The following SH3GLB2 variants were observed in gnomAD, a reference collection of about 807,000 sequenced individuals.
The protein encoded by SH3GLB2 is endophilin-B2.
In SH3GLB2, 24 loss-of-function variants were observed where a neutral mutation model predicts 48.0. That is an observed-to-expected ratio of 0.50 (90% CI 0.36 to 0.70). The LOEUF is 0.70. Ranked by LOEUF, SH3GLB2 falls within the 30% of genes least tolerant of loss-of-function variation. SH3GLB2 has a pLI of 0.00. For missense variants in SH3GLB2, 425 were observed against 516.0 expected, an observed-to-expected ratio of 0.82 and a Z score of 1.71; for synonymous variants, 227 against 207.6, an observed-to-expected ratio of 1.09 and a Z score of -0.80.
intron 6 of SH3GLB2, chr9:129,011,000 C>A: frequency 2.3e-6 from 1 of 427,400 alleles, no homozygotes; most frequent in South Asian, 3.6e-5. Context: ...GTCCCCACCC[C>A]ATCCTGACTG....
chr9:129,009,720 G>C (rs367593175), intron 9 of SH3GLB2, 51 bp downstream of exon 9: 39 of 1,533,492 alleles, frequency 2.5e-5, no homozygotes, highest in Admixed American at 3.8e-5. Flanking sequence ...CCCACGGACA[G>C]GGTATGGGAG....
chr9:129,020,690 AC>A (rs1843734470), intron 3 of SH3GLB2, among the ~76,000 whole-genome samples: 2 of 150,124 alleles, frequency 1.3e-5, no homozygotes, highest in Middle Eastern at 3.3e-3. Context: ...ACATGGTGAA[AC>A]CTCGTCTCTA....
In SH3GLB2 at chr9:129,010,206, C is replaced by G. The variant is rs375358480; in HGVS notation, c.652G>C (p.Glu218Gln). 1 of 1,613,754 alleles carries G rather than the reference C, an allele frequency of 6.2e-7. No homozygotes were observed. Among genetic ancestry groups the G allele is most frequent in the Non-Finnish European group, 8.5e-7 (1 of 1,179,950 alleles). The change falls in exon 8 of 11, where the codon GAG becomes CAG. Residue 218 changes from glutamate to glutamine, a missense_variant. Glu to Gln is a conservative substitution (Grantham distance 29). Transcript: ENST00000372564. ...ALWNDEVDKAEQELRVAQTEF... is the reference protein window; with the variant it reads ...ALWNDEVDKAQQELRVAQTEF... Reference sequence around the variant, plus strand: ...GTCTGGGCCACGCGGAGCTCCTGCTCGGCCTGGGCAGGGCAGGGCAGCCAT... The same window carrying G: ...GTCTGGGCCACGCGGAGCTCCTGCTGGGCCTGGGCAGGGCAGGGCAGCCAT...
chr9:129,017,246 A>G (rs1316186039), intron 3 of SH3GLB2, among the ~76,000 whole-genome samples: 3 of 151,656 alleles, frequency 2.0e-5, no homozygotes, highest in Non-Finnish European at 4.4e-5. Flanking sequence ...CACCATGCCC[A>G]GCCTCAATAG....
chr9:129,010,048 T>G, intron 8 of SH3GLB2, 72 bp downstream of exon 8: 1 of 1,512,524 alleles, frequency 6.6e-7, no homozygotes, highest in Non-Finnish European at 9.2e-7. Flanking sequence ...GCAGCCCTGC[T>G]GACCTTGTGG....
At chr9:129,021,531 AG>A (rs1843796343) in intron 2 of SH3GLB2, among the ~76,000 whole-genome samples, 1 of 152,064 alleles carries the variant, frequency 6.6e-6, no homozygotes, top group East Asian at 1.9e-4. Context: ...ATTTACAGGC[AG>A]ACACACAGCA....
intron 1 of SH3GLB2, among the ~76,000 whole-genome samples, chr9:129,027,831 G>A (rs1844250160): frequency 6.6e-6 from 1 of 152,246 alleles, no homozygotes; most frequent in Admixed American, 6.5e-5. Flanking sequence ...GCAGGCGCCA[G>A]GGGAGCAGGG....
At position 129,028,264 on chromosome 9, in the gene SH3GLB2, G is replaced by A. The variant is rs1227570233; in HGVS notation, c.-110C>T. ...ACCTGCTGCGGGGCACCAGCCCTCCGCGCACCCGCCTGCCGGCCTGCCCGC... is the reference window on the plus strand; with the variant it reads ...ACCTGCTGCGGGGCACCAGCCCTCCACGCACCCGCCTGCCGGCCTGCCCGC... On this transcript the variant is annotated 5_prime_UTR_variant, in exon 1 of 11. Transcript: ENST00000372564. 1.0e-5 allele frequency: 7 copies of A among 691,930 alleles called. No homozygotes were observed. Among genetic ancestry groups the A allele is most frequent in the Non-Finnish European group, 1.2e-5 (7 of 561,786 alleles). 42.9% of individuals were successfully genotyped at this position (691,930 alleles called of 1,614,324 possible). A position where few individuals can be genotyped will look rare whatever the true frequency, so the allele number is the denominator to read the frequency against.
chr9:129,013,370 T>C (rs985094419), intron 5 of SH3GLB2: 1 of 340,360 alleles, frequency 2.9e-6, no homozygotes, highest in African/African-American at 2.1e-5. Context: ...GCCTGGCTGA[T>C]GGAGAGAGTG....
At chr9:129,021,817 G>T (rs1843819604) in intron 2 of SH3GLB2, among the ~76,000 whole-genome samples, 1 of 151,924 alleles carries the variant, frequency 6.6e-6, no homozygotes, top group African/African-American at 2.4e-5. Flanking sequence ...AAATTAGCTG[G>T]GCGTGGTGGC....
In SH3GLB2 at chr9:129,028,235, G is replaced by T; in HGVS notation, c.-81C>A. 1.0e-6 allele frequency: 1 copy of T among 967,556 alleles called. No individual in the cohort carries two copies. The allele number at this position is 967,556 out of a possible 1,614,324, so 59.9% of individuals were successfully genotyped here. A position where few individuals can be genotyped will look rare whatever the true frequency, so the allele number is the denominator to read the frequency against. On this transcript the variant is annotated 5_prime_UTR_variant, in exon 1 of 11. Coordinates refer to ENST00000372564, the MANE Select transcript of SH3GLB2 (RefSeq NM_020145.4). ...CAGCCGCCGCCGCCAACCGCACCCC[G>T]CCCACCTGCTGCGGGGCACCAGCCC... is the stretch of plus-strand genomic sequence containing the variant.
intron 3 of SH3GLB2, 137 bp downstream of exon 3, chr9:129,020,954 C>T (rs187060529): frequency 9.4e-6 from 10 of 1,063,274 alleles, no homozygotes; most frequent in East Asian, 9.3e-5. Flanking sequence ...TTTTTTTCTG[C>T]GTAGAGTTTT....
intron 9 of SH3GLB2, 44 bp downstream of exon 9, chr9:129,009,727 G>C (rs770266255): frequency 8.3e-6 from 13 of 1,558,426 alleles, no homozygotes; most frequent in African/African-American, 1.4e-5. Context: ...ACAGGGTATG[G>C]GAGCCAGGGG....
At position 129,009,086 on chromosome 9, in the gene SH3GLB2, C is replaced by G. The variant is rs1842928547; in HGVS notation, c.1080+20G>C. ...CCTCACCCAGCCCATTCCTGCCCCA[C>G]CTTGCGGCACCGGGCCCACCTCATC... On this transcript the variant is annotated intron_variant, in intron 10 of 10. Transcript: ENST00000372564. 4 of 1,604,852 alleles carry G rather than the reference C, an allele frequency of 2.5e-6. No individual in the cohort carries two copies. Among genetic ancestry groups the G allele is most frequent in the Non-Finnish European group, 3.4e-6 (4 of 1,179,622 alleles).
intron 1 of SH3GLB2, among the ~76,000 whole-genome samples, chr9:129,025,885 G>A (rs967158602): frequency 1.3e-5 from 2 of 151,496 alleles, no homozygotes; most frequent in African/African-American, 2.4e-5. Context: ...CCATGATGAC[G>A]ATGCCACCAC....
Position 129,028,285 on chromosome 9 carries a change from C to T in SH3GLB2, c.-131G>A. 2.1e-6 allele frequency: 1 copy of T among 484,198 alleles called. No individual in the cohort carries two copies. 30.0% of individuals were successfully genotyped at this position (484,198 alleles called of 1,614,324 possible). On this transcript the variant is annotated 5_prime_UTR_variant, in exon 1 of 11. Coordinates refer to ENST00000372564, the MANE Select transcript of SH3GLB2 (RefSeq NM_020145.4). The stretch of plus-strand genomic sequence containing the variant: ...CTCCGCGCACCCGCCTGCCGGCCTG[C>T]CCGCCTGCCCGCCCGCCGCAGCCGC...
chr9:129,017,823 G>A (rs548611335), intron 3 of SH3GLB2, among the ~76,000 whole-genome samples: 5 of 151,306 alleles, frequency 3.3e-5, no homozygotes, highest in South Asian at 4.2e-4. Flanking sequence ...GCATGAACAC[G>A]AGAGGCGGAG....
At chr9:129,018,681 C>G (rs965738453) in intron 3 of SH3GLB2, among the ~76,000 whole-genome samples, 1 of 150,386 alleles carries the variant, frequency 6.6e-6, no homozygotes, top group Admixed American at 6.6e-5. Flanking sequence ...ATCACGAGGT[C>G]AGGAGTTCAA....
intron 1 of SH3GLB2, 70 bp downstream of exon 1, chr9:129,028,022 T>C: frequency 7.0e-7 from 1 of 1,419,644 alleles, no homozygotes; most frequent in Non-Finnish European, 9.3e-7. Context: ...TCCCCAGGCG[T>C]CTGCCGCAGG....
Sources: gnomAD v4.1 joint callset for allele counts (sites outside exome capture counted in the v4.1 genomes callset) on GRCh38, gnomAD v4.1.1 for gene constraint, MANE v1.5 for transcripts, NCBI Gene and HGNC (gene_info 2026-07-23, HGNC 2026-07-21) for gene names.